The following AZIN2 variants were observed in gnomAD, a reference collection of about 807,000 sequenced individuals.
AZIN2 encodes antizyme inhibitor 2.
Under a neutral mutation model 47.8 loss-of-function variants are expected in AZIN2, and 28 were observed. The ratio of observed to expected loss-of-function variants is 0.59; its 90% CI spans 0.43 to 0.80. The LOEUF (loss-of-function observed/expected upper bound fraction) is 0.80. Ranked by LOEUF, AZIN2 falls within the 30% of genes least tolerant of loss-of-function variation. The probability of loss-of-function intolerance (pLI) is 0.00; values close to 1 mark genes in which losing one functional copy is unlikely to be tolerated. For synonymous variants in AZIN2, 221 were observed against 239.4 expected (o/e 0.92, Z 0.71); for missense variants, 535 against 582.5 (o/e 0.92, Z 0.84).
At position 33,120,431 on chromosome 1, in the gene AZIN2, T is replaced by C; in HGVS notation, c.*249T>C. The C allele has an allele frequency of 2.0e-6, 1 of 499,454 alleles. No homozygotes were observed. Among genetic ancestry groups the C allele is most frequent in the Non-Finnish European group, 3.4e-6 (1 of 290,884 alleles). 30.9% of individuals were successfully genotyped at this position (499,454 alleles called of 1,614,324 possible). On this transcript the variant is annotated 3_prime_UTR_variant, in exon 12 of 12. Transcript: ENST00000294517. ...CTCCTCTGCAGTGCAAGGGGCCTGG[T>C]CAGCCAGGTGTGGGGGTGTTCTTGG...
At chr1:33,124,832 C>T (rs1378095493), downstream of AZIN2, among the ~76,000 whole-genome samples, 2 of 152,170 alleles carry the variant, frequency 1.3e-5, 1 homozygote, top group Non-Finnish European at 2.9e-5. This position sits in a 1 kb window ranked among gnomAD's most constrained non-coding sequence, Gnocchi z 4.6. Flanking sequence ...CATCCATGTC[C>T]CTACAAAGGA....
chr1:33,126,163 G>T (rs921433770), downstream of AZIN2, among the ~76,000 whole-genome samples: 15 of 152,034 alleles, frequency 9.9e-5, no homozygotes, highest in Non-Finnish European at 2.9e-5. Context: ...TTCACTGCTG[G>T]GTCCACAGTG....
chr1:33,165,409 CGCCCCTCGAA>C, the AZIN2 span: 1 of 1,453,330 alleles, frequency 6.9e-7, no homozygotes, highest in Non-Finnish European at 9.3e-7. The surrounding 1 kb of genome is among the most constrained non-coding windows in gnomAD (Gnocchi z 4.0). Flanking sequence ...CAGCTGGCCC[CGCCCCTCGAA>C]GCCCTGCCCT....
chr1:33,085,536 G>A (rs1353588048), intron 5 of AZIN2, among the ~76,000 whole-genome samples: 3 of 152,102 alleles, frequency 2.0e-5, no homozygotes, highest in African/African-American at 7.2e-5. Context: ...TATTTTCTTG[G>A]TGGTTAGTAA....
intron 10 of AZIN2, among the ~76,000 whole-genome samples, chr1:33,115,377 G>A (rs1454213977): frequency 6.6e-6 from 1 of 151,698 alleles, no homozygotes; most frequent in African/African-American, 2.4e-5. Flanking sequence ...TGTTGCCACA[G>A]CTTTTAGAAT....
intron 10 of AZIN2, among the ~76,000 whole-genome samples, chr1:33,109,325 T>C (rs1330512143): frequency 1.3e-5 from 2 of 151,960 alleles, no homozygotes; most frequent in Non-Finnish European, 2.9e-5. Context: ...CATTTTCTTT[T>C]TCTTTTTTTT....
At chr1:33,163,359 C>T in the AZIN2 span, 25 of 151,580 alleles carry the variant, frequency 1.6e-4, no homozygotes, top group Admixed American at 1.6e-3. Flanking sequence ...TCCTTTCAAT[C>T]ACTTTTTTTA....
At chr1:33,134,258 C>T in the AZIN2 span, among the ~76,000 whole-genome samples, 1 of 152,332 alleles carries the variant, frequency 6.6e-6, no homozygotes, top group East Asian at 1.9e-4. Context: ...CACAGCAACC[C>T]AGCAAGGGTA....
rs754956797 is a variant in AZIN2, at chr1:33,117,913, G to A, written c.1041G>A (p.Thr347=). 6.8e-6 allele frequency: 11 copies of A among 1,614,176 alleles called. 1 individual carries two copies. The highest frequency in any genetic ancestry group is 6.7e-5 in the Admixed American group (4 of 60,024). Residue 347 remains threonine, a synonymous_variant, in exon 11 of 12, where the codon ACG becomes ACA. Transcript: ENST00000294517. ...PTPILQKKPS[T]EQPLYSSSLW... is the part of the protein sequence containing the mutation. Reference sequence around the variant, plus strand: ...CCTTCTTCCTACAGAAACCATCCACGGAGCAGCCCCTGTACAGCAGCAGCC... The same window carrying A: ...CCTTCTTCCTACAGAAACCATCCACAGAGCAGCCCCTGTACAGCAGCAGCC...
chr1:33,119,969 T>C, intron 11 of AZIN2, 75 bp from the exon 12 acceptor site: 1 of 1,595,288 alleles, frequency 6.3e-7, no homozygotes, highest in South Asian at 1.1e-5. Context: ...CTCTGCCCAA[T>C]GGGGCTGCGT....
intron 10 of AZIN2, among the ~76,000 whole-genome samples, chr1:33,108,991 A>G (rs1644156248): frequency 6.6e-6 from 1 of 152,236 alleles, no homozygotes; most frequent in African/African-American, 2.4e-5. Flanking sequence ...TCCCACCAGC[A>G]ATGAATGGGA....
At chr1:33,149,307 C>T in the AZIN2 span, among the ~76,000 whole-genome samples, 4 of 152,040 alleles carry the variant, frequency 2.6e-5, no homozygotes, top group Non-Finnish European at 5.9e-5. Context: ...CACGCGCCAC[C>T]ACGCCTGGCT....
chr1:33,117,851 A>AG (rs748381415), intron 10 of AZIN2, 51 bp from the exon 11 acceptor site: 21 of 1,601,238 alleles, frequency 1.3e-5, no homozygotes, highest in Non-Finnish European at 6.8e-6. Flanking sequence ...GGGAGTGGCA[A>AG]GGCTGTTGTA....
chr1:33,120,084 G>A lies in AZIN2; in HGVS notation c.1285G>A (p.Asp429Asn). The A allele has an allele frequency of 1.1e-5, 18 of 1,614,084 alleles. No homozygotes were observed. Among genetic ancestry groups the A allele is most frequent in the Non-Finnish European group, 1.4e-5 (17 of 1,179,976 alleles). Residue 429 changes from aspartate (D) to asparagine (N), a missense_variant, in exon 12 of 12, where the codon GAT becomes AAT. Physicochemically the swap from Asp to Asn is conservative, Grantham distance 23 (BLOSUM62 1). Coordinates refer to ENST00000294517, the MANE Select transcript of AZIN2 (RefSeq NM_052998.4). ...GCAGCTGATGGCTGCAGAACAGGAGGATGACGTGGAGGGTGTGTGCAAGCC... is the reference window on the plus strand; with the variant it reads ...GCAGCTGATGGCTGCAGAACAGGAGAATGACGTGGAGGGTGTGTGCAAGCC... ...RRQLMAAEQE[D>N]DVEGVCKPLS...
At chr1:33,082,512 G>A (rs1169191796) in intron 4 of AZIN2, 158 bp downstream of exon 4, 2 of 578,954 alleles carry the variant, frequency 3.5e-6, no homozygotes, top group East Asian at 6.4e-5. Flanking sequence ...CCAATTCTTT[G>A]TCCTTGCCCC....
At chr1:33,140,279 T>C in the AZIN2 span, among the ~76,000 whole-genome samples, 1 of 152,314 alleles carries the variant, frequency 6.6e-6, no homozygotes, top group Non-Finnish European at 1.5e-5. The surrounding 1 kb of genome is among the most constrained non-coding windows in gnomAD (Gnocchi z 4.0). Flanking sequence ...TTTACCCAGG[T>C]CTCGACTCAC....
At chr1:33,165,289 T>C in the AZIN2 span, 7 of 540,380 alleles carry the variant, frequency 1.3e-5, no homozygotes, top group African/African-American at 2.0e-5. The surrounding 1 kb of genome is among the most constrained non-coding windows in gnomAD (Gnocchi z 4.0). Flanking sequence ...TGCCGCCCCA[T>C]TGAACTTCAC....
At chr1:33,158,104 G>T in the AZIN2 span, 1 of 628,142 alleles carries the variant, frequency 1.6e-6, no homozygotes, top group Non-Finnish European at 2.8e-6. Context: ...TTGTGCAGGT[G>T]CCCAGGACAG....
chr1:33,144,867 G>A, the AZIN2 span, among the ~76,000 whole-genome samples: 19,790 of 152,160 alleles, frequency 0.13, 1,576 homozygotes, highest in Non-Finnish European at 0.18. Flanking sequence ...AACCCATACA[G>A]CTCCAGGCAC....
Sources: allele counts gnomAD v4.1 joint callset (sites outside exome capture counted in the v4.1 genomes callset), GRCh38; gene constraint gnomAD v4.1.1; non-coding constraint Gnocchi (gnomAD v3.1); transcripts MANE v1.5; gene names NCBI Gene and HGNC (gene_info 2026-07-23, HGNC 2026-07-21).